Variants in NVL observed in about 807,000 individuals in gnomAD.
NVL encodes the protein nuclear valosin-containing protein-like.
NVL carries 84 observed loss-of-function variants against 110.2 expected under a neutral mutation model. That is an observed-to-expected ratio of 0.76 (90% CI 0.64 to 0.91). The LOEUF (loss-of-function observed/expected upper bound fraction) is 0.91. Ranked by LOEUF, NVL falls within the 40% of genes least tolerant of loss-of-function variation. The probability of loss-of-function intolerance (pLI) is 0.00; values close to 1 mark genes in which losing one functional copy is unlikely to be tolerated. For synonymous variants in NVL, 354 were observed against 361.1 expected (o/e 0.98, Z 0.22); for missense variants, 882 against 1,035.9 (o/e 0.85, Z 2.04).
intron 10 of NVL, among the ~76,000 whole-genome samples, chr1:224,298,767 T>C (rs2102676201): frequency 6.6e-6 from 1 of 152,316 alleles, no homozygotes; most frequent in Non-Finnish European, 1.5e-5. Context: ...TGCTGAAAGA[T>C]GTGAGGTGGC....
chr1:224,320,715 A>G (rs1051920345), intron 2 of NVL, among the ~76,000 whole-genome samples: 4 of 152,036 alleles, frequency 2.6e-5, no homozygotes, highest in Non-Finnish European at 5.9e-5. Flanking sequence ...TAGTTGTGCA[A>G]TCAGAGCTTG....
intron 4 of NVL, chr1:224,312,405 G>C (rs1359826701): frequency 6.6e-6 from 1 of 152,320 alleles, no homozygotes; most frequent in African/African-American, 2.4e-5. Flanking sequence ...TCAAAAAAGA[G>C]GTATAAAGCC....
At chr1:224,285,957 AAAGTT>A (rs1263119467) in intron 15 of NVL, 64 bp downstream of exon 15, 23 of 1,196,192 alleles carry the variant, frequency 1.9e-5, no homozygotes, top group Admixed American at 1.5e-4. Context: ...TGTAATATTT[AAAGTT>A]AAGTTCATAT....
chr1:224,227,426 AG>A lies in NVL; in HGVS notation c.*199del. 1 of 379,028 alleles carries A rather than the reference AG, an allele frequency of 2.6e-6. No individual in the cohort carries two copies. Among genetic ancestry groups the A allele is most frequent in the South Asian group, 1.0e-4 (1 of 9,680 alleles). The allele number at this position is 379,028 out of a possible 1,614,324, so 23.5% of individuals were successfully genotyped here. On this transcript the variant is annotated 3_prime_UTR_variant, in exon 23 of 23. Coordinates refer to ENST00000281701, the MANE Select transcript of NVL (RefSeq NM_002533.4). ...TTAAAAATTGTCCTTTTTCTTAAAGAGGAAGAAGGCATTTTCACACAAGGCT... is the reference window on the plus strand; with the variant it reads ...TTAAAAATTGTCCTTTTTCTTAAAGAGAAGAAGGCATTTTCACACAAGGCT...
chr1:224,299,064 T>C (rs1481950093), intron 10 of NVL, among the ~76,000 whole-genome samples: 1 of 152,234 alleles, frequency 6.6e-6, no homozygotes, highest in Non-Finnish European at 1.5e-5. Flanking sequence ...ACAGTGATTA[T>C]GCTAAGTAAG....
At chr1:224,265,143 G>A in intron 18 of NVL, among the ~76,000 whole-genome samples, 1 of 151,986 alleles carries the variant, frequency 6.6e-6, no homozygotes, top group African/African-American at 2.4e-5. Flanking sequence ...TACACACATA[G>A]GGAAAAAACA....
intron 19 of NVL, among the ~76,000 whole-genome samples, chr1:224,243,875 A>G (rs1333129620): frequency 6.6e-6 from 1 of 151,588 alleles, no homozygotes; most frequent in African/African-American, 2.4e-5. Context: ...TTGGCCAAGT[A>G]GGTCTCGAAC....
intron 12 of NVL, 33 bp downstream of exon 12, chr1:224,294,234 G>C: frequency 6.2e-7 from 1 of 1,610,248 alleles, no homozygotes; most frequent in Non-Finnish European, 8.5e-7. Context: ...AGATGACTTA[G>C]TGGCATACAA....
intron 10 of NVL, among the ~76,000 whole-genome samples, chr1:224,300,326 T>C (rs186493788): frequency 1.3e-5 from 2 of 152,300 alleles, no homozygotes; most frequent in African/African-American, 4.8e-5. Context: ...CGGCCCAGAA[T>C]TTCTCACCAA....
intron 19 of NVL, among the ~76,000 whole-genome samples, chr1:224,241,087 C>A (rs1434522572): frequency 6.6e-6 from 1 of 152,144 alleles, no homozygotes; most frequent in Non-Finnish European, 1.5e-5. Flanking sequence ...CCACGCTCAG[C>A]CAAACTCTCC....
intron 2 of NVL, among the ~76,000 whole-genome samples, chr1:224,318,288 G>A (rs933686304): frequency 1.3e-5 from 2 of 152,096 alleles, no homozygotes; most frequent in East Asian, 1.9e-4. Context: ...TCTTTTGGAG[G>A]GGTAGAGCAA....
chr1:224,250,263 CACAA>C lies in NVL; in HGVS notation c.2234_2237del (p.Phe745TrpfsTer13), dbSNP rs765634292. ...GGCGATCTGCAGGGGGCGGTAAACC[CACAA>C]ACAGTGTTTTGTCCAGGCGGCCCGG... On this transcript the variant is annotated frameshift_variant, in exon 19 of 23. Transcript: ENST00000281701. LOFTEE classifies it high-confidence loss of function. 13 of 1,608,014 alleles carry C rather than the reference CACAA, an allele frequency of 8.1e-6. No homozygotes were observed. The highest frequency in any genetic ancestry group is 2.7e-5 in the African/African-American group (2 of 74,568).
chr1:224,272,100 C>G (rs1351472015), intron 17 of NVL, among the ~76,000 whole-genome samples: 1 of 151,714 alleles, frequency 6.6e-6, no homozygotes, highest in Admixed American at 6.6e-5. Flanking sequence ...CTTTGGAAGG[C>G]TGAGGCAGGT....
chr1:224,250,133 G>A (rs977013023), intron 19 of NVL, 79 bp downstream of exon 19: 84 of 1,467,760 alleles, frequency 5.7e-5, no homozygotes, highest in South Asian at 1.0e-4. Flanking sequence ...ATCAGTCAAC[G>A]AAAATTACTA....
chr1:224,271,347 G>C (rs999195701), intron 17 of NVL, among the ~76,000 whole-genome samples: 2 of 151,844 alleles, frequency 1.3e-5, no homozygotes, highest in African/African-American at 2.4e-5. Flanking sequence ...AACTTAGCTG[G>C]GTGTGGTGGT....
chr1:224,244,533 G>A (rs978664039), intron 19 of NVL, among the ~76,000 whole-genome samples: 12 of 151,774 alleles, frequency 7.9e-5, no homozygotes, highest in South Asian at 2.1e-4. Flanking sequence ...GTGCAGTGGC[G>A]TGATCTCGGC....
At chr1:224,294,464 A>G (rs1192573827) in intron 11 of NVL, 53 bp from the exon 12 acceptor site, 7 of 1,567,532 alleles carry the variant, frequency 4.5e-6, no homozygotes, top group Non-Finnish European at 6.1e-6. Flanking sequence ...ACTGACGGCA[A>G]TAATGGTTAC....
intron 2 of NVL, 94 bp downstream of exon 2, chr1:224,326,297 A>G: frequency 2.5e-6 from 2 of 789,778 alleles, no homozygotes; most frequent in Non-Finnish European, 4.2e-6. Context: ...GCCAGCAGCT[A>G]CTGATATCAA....
chr1:224,324,967 T>G (rs1670996627), intron 2 of NVL, among the ~76,000 whole-genome samples: 1 of 152,074 alleles, frequency 6.6e-6, no homozygotes, highest in Non-Finnish European at 1.5e-5. Context: ...TAGAAATAAT[T>G]AAGGTATTCT....
Sources: gnomAD v4.1 joint callset for allele counts (sites outside exome capture counted in the v4.1 genomes callset) on GRCh38, gnomAD v4.1.1 for gene constraint, MANE v1.5 for transcripts, NCBI Gene and HGNC (gene_info 2026-07-23, HGNC 2026-07-21) for gene names.